The following TULP1 variants were observed in gnomAD, a reference collection of about 807,000 sequenced individuals.
The protein encoded by TULP1 is tubby-related protein 1.
In TULP1, 50 loss-of-function variants were observed where a neutral mutation model predicts 67.1. The observed-to-expected ratio is 0.75, with a 90% confidence interval of 0.59 to 0.94. The LOEUF (loss-of-function observed/expected upper bound fraction) is 0.94, where lower values mean the gene tolerates loss of function less well. Among genes scored for constraint, TULP1 ranks in the 40% least tolerant of loss-of-function variants. The pLI, the probability that TULP1 is intolerant of heterozygous loss-of-function variation, is 0.00. For missense variants in TULP1, 746 were observed against 734.1 expected (o/e 1.02, Z -0.19); for synonymous variants, 297 against 294.0 (o/e 1.01, Z -0.11).
chr6:35,502,687 C>T (rs746911858), intron 13 of TULP1, among the ~76,000 whole-genome samples: 4 of 151,708 alleles, frequency 2.6e-5, no homozygotes, highest in African/African-American at 7.3e-5. Context: ...TTAGTAGAGA[C>T]GGGGTTTAGC....
rs772291601 is a variant in TULP1 at position 35,511,047 on chromosome 6, C to T, written c.350-37G>A. On this transcript the variant is annotated intron_variant, in intron 4 of 14. Coordinates refer to ENST00000229771, the MANE Select transcript of TULP1 (RefSeq NM_003322.6). Reference sequence around the variant, plus strand: ...AACTCTTCATAATGGGGGTTTGAGCCGGGCCCTCCTTATCTGGGGAGCCCA... The same window carrying T: ...AACTCTTCATAATGGGGGTTTGAGCTGGGCCCTCCTTATCTGGGGAGCCCA... 146 of 1,599,620 alleles carry T rather than the reference C, an allele frequency of 9.1e-5. No homozygotes were observed. The South Asian group carries it at 1.4e-3, about 16-fold the overall frequency.
chr6:35,502,673 A>G (rs1206225592), intron 13 of TULP1, among the ~76,000 whole-genome samples: 2 of 150,758 alleles, frequency 1.3e-5, no homozygotes, highest in African/African-American at 2.4e-5. Context: ...TAATTTTTGT[A>G]TATTTAGTAG....
At chr6:35,502,992 C>T (rs1329483183) in intron 13 of TULP1, among the ~76,000 whole-genome samples, 3 of 152,256 alleles carry the variant, frequency 2.0e-5, no homozygotes, top group East Asian at 1.9e-4. Context: ...GGCTGGAGTG[C>T]AGTGGCACCA....
chr6:35,500,195 G>A (rs373266384), intron 13 of TULP1, 43 bp from the exon 14 acceptor site: 134 of 1,605,160 alleles, frequency 8.3e-5, no homozygotes, highest in Admixed American at 3.0e-4. Flanking sequence ...GACAGTTAGA[G>A]ATGGCTGAGA....
chr6:35,512,100 G>T (rs986548828), intron 3 of TULP1, 80 bp downstream of exon 3: 3 of 868,108 alleles, frequency 3.5e-6, no homozygotes, highest in Middle Eastern at 3.9e-4. Flanking sequence ...AGGGCTCGGC[G>T]ACACCCGCGC....
In TULP1 at chr6:35,510,570, T is replaced by C. The variant is rs544027762; in HGVS notation, c.499+291A>G. 36 of 520,250 alleles carry C rather than the reference T, an allele frequency of 6.9e-5. No individual in the cohort carries two copies. In the South Asian group the frequency reaches 8.2e-4, roughly 12 times the overall value. 32.2% of individuals were successfully genotyped at this position (520,250 alleles called of 1,614,324 possible). ...TTATAAAAATGATAACAATTTCCAC[T>C]GAGTTAAAACAAAAACTAAACAAAA... is the stretch of plus-strand genomic sequence containing the variant. On this transcript the variant is annotated intron_variant, in intron 5 of 14. Coordinates refer to ENST00000229771, the MANE Select transcript of TULP1 (RefSeq NM_003322.6).
chr6:35,500,612 ATCTT>A (rs1259153814), intron 13 of TULP1, among the ~76,000 whole-genome samples: 4 of 152,138 alleles, frequency 2.6e-5, no homozygotes, highest in South Asian at 2.1e-4. Flanking sequence ...TGCCCTTAAG[ATCTT>A]TCTTTCTTGA....
Position 35,503,094 on chromosome 6 carries a change from T to C in TULP1, c.1323+465A>G, listed in dbSNP as rs6929353. ...CTGGGACTATAGGCGCCCGCCACCATGCCCGGCTAATTTTTTTGTATTTTT... is the reference window on the plus strand; with the variant it reads ...CTGGGACTATAGGCGCCCGCCACCACGCCCGGCTAATTTTTTTGTATTTTT... On this transcript the variant is annotated intron_variant, in intron 13 of 14. Coordinates refer to ENST00000229771, the MANE Select transcript of TULP1 (RefSeq NM_003322.6). The surrounding 1 kb of genome is among the most constrained non-coding windows in gnomAD (Gnocchi z 4.0). Among the ~76,000 whole-genome samples, 22,807 of 151,806 alleles carry C rather than the reference T, an allele frequency of 0.15. 1,870 individuals carry two copies. Among genetic ancestry groups the C allele is most frequent in the African/African-American group, 0.21 (8,677 of 41,410 alleles).
Position 35,498,363 on chromosome 6 carries a change from G to A in TULP1, c.1593C>T (p.Ala531=). 6.2e-7 allele frequency: 1 copy of A among 1,613,324 alleles called. No individual in the cohort carries two copies. The highest frequency in any genetic ancestry group is 8.5e-7 in the Non-Finnish European group (1 of 1,179,804). ...PLCALQAFAI[A]LSSFDGKLAC... Reference sequence around the variant, plus strand: ...CCAGCTTCCCGTCGAAACTGGAGAGGGCGATGGCGAAGGCCTGCAGGGCGC... The same window carrying A: ...CCAGCTTCCCGTCGAAACTGGAGAGAGCGATGGCGAAGGCCTGCAGGGCGC... The change falls in exon 15 of 15, where the codon GCC becomes GCT. Residue 531 remains alanine (A), a synonymous_variant. Coordinates refer to ENST00000229771, the MANE Select transcript of TULP1 (RefSeq NM_003322.6). The surrounding 1 kb of genome is among the most constrained non-coding windows in gnomAD (Gnocchi z 6.7).
chr6:35,512,486 C>T (rs1032867120), intron 2 of TULP1, among the ~76,000 whole-genome samples, 153 bp downstream of exon 2: 1 of 152,006 alleles, frequency 6.6e-6, no homozygotes, highest in African/African-American at 2.4e-5. Context: ...AACCCCAAGT[C>T]CCCAAACAGC....
In TULP1 at chr6:35,505,749, C is replaced by G. The variant is rs749104259; in HGVS notation, c.1104G>C (p.Gly368=). ...NLSRGGENFI[G]KLRSNLLGNR... ...AGGAAGCCCAGCCCCACCTCAGCTT[C>G]CCGATGAAATTCTCCCCTCCTCGGG... Residue 368 remains glycine (G), a synonymous_variant, in exon 11 of 15, where the codon GGG becomes GGC. Transcript: ENST00000229771. 1 of 1,614,198 alleles carries G rather than the reference C, an allele frequency of 6.2e-7. No homozygotes were observed. Among genetic ancestry groups the G allele is most frequent in the East Asian group, 2.2e-5 (1 of 44,872 alleles).
At chr6:35,499,901 G>A (rs1768793060) in intron 14 of TULP1, 80 bp downstream of exon 14, 2 of 1,520,384 alleles carry the variant, frequency 1.3e-6, no homozygotes, top group East Asian at 4.5e-5. Flanking sequence ...GTGTGTGTGA[G>A]GGGGTGAGGG....
At position 35,512,854 on chromosome 6, in the gene TULP1, G is replaced by C. The variant is rs1174952138; in HGVS notation, c.5C>G (p.Pro2Arg). 1 of 1,612,756 alleles carries C rather than the reference G, an allele frequency of 6.2e-7. No homozygotes were observed. Among genetic ancestry groups the C allele is most frequent in the Non-Finnish European group, 8.5e-7 (1 of 1,180,014 alleles). Residue 2 changes from proline to arginine, a missense_variant, in exon 1 of 15, where the codon CCT (proline) becomes CGT (arginine). Physicochemically the swap from Pro to Arg is moderately radical, Grantham distance 103. This residue lies in a region of TULP1 where 359 missense variants were observed against 341.9 expected (regional missense o/e 1.05). Transcript: ENST00000229771. ...CTCTCGGAGGGTTTCATCCCGCAGA[G>C]GCATGGTGCCTTTGCCTATCGCACC... is the stretch of plus-strand genomic sequence containing the variant. M[P>R]LRDETLREVW...
At chr6:35,505,438 G>A in intron 11 of TULP1, 1 of 547,690 alleles carries the variant, frequency 1.8e-6, no homozygotes, top group Non-Finnish European at 3.3e-6. Context: ...AACAAGGCAG[G>A]CACAGTGCCT....
At chr6:35,504,557 C>CT (rs576091970) in intron 11 of TULP1, among the ~76,000 whole-genome samples, 72 of 151,274 alleles carry the variant, frequency 4.8e-4, no homozygotes, top group Non-Finnish European at 9.6e-4. Flanking sequence ...TTGGAAGTGA[C>CT]TTTTTTTTTC....
At chr6:35,499,939 G>A (rs770029159) in intron 14 of TULP1, 42 bp downstream of exon 14, 6 of 1,611,006 alleles carry the variant, frequency 3.7e-6, no homozygotes, top group Non-Finnish European at 5.1e-6. Flanking sequence ...AGCATCCTGG[G>A]GGTGGTGGAG....
intron 13 of TULP1, among the ~76,000 whole-genome samples, chr6:35,501,163 T>C (rs1023960299): frequency 6.6e-5 from 10 of 152,118 alleles, no homozygotes; most frequent in Admixed American, 4.6e-4. Flanking sequence ...AGAACATCTC[T>C]CCATCTTAAA....
chr6:35,510,753 G>T, intron 5 of TULP1, 108 bp downstream of exon 5: 1 of 1,601,522 alleles, frequency 6.2e-7, no homozygotes, highest in South Asian at 1.1e-5. Context: ...TCACAGCACT[G>T]GGTTCATTTT....
chr6:35,509,572 C>G, intron 7 of TULP1, 62 bp downstream of exon 7: 1 of 1,544,580 alleles, frequency 6.5e-7, no homozygotes, highest in Non-Finnish European at 8.9e-7. Context: ...TAAGGACCCT[C>G]TAGCTCCCCG....
Sources: allele counts gnomAD v4.1 joint callset (sites outside exome capture counted in the v4.1 genomes callset), GRCh38; gene constraint gnomAD v4.1.1; regional missense constraint gnomAD v4.1.1; non-coding constraint Gnocchi (gnomAD v3.1); transcripts MANE v1.5; gene names NCBI Gene and HGNC (gene_info 2026-07-23, HGNC 2026-07-21).